PARVA: variants seen among roughly 807,000 people sequenced by gnomAD.
The protein encoded by PARVA is parvin alpha.
A neutral mutation model predicts 52.6 loss-of-function variants in PARVA; 25 were observed. The observed-to-expected ratio is 0.48, with a 90% confidence interval of 0.35 to 0.66. The LOEUF (loss-of-function observed/expected upper bound fraction) is 0.66. PARVA is among the 30% of genes least tolerant of loss of function. PARVA has a pLI of 0.01. For missense variants in PARVA, 373 were observed against 450.9 expected (o/e 0.83, Z 1.56); for synonymous variants, 185 against 179.1 (o/e 1.03, Z -0.26).
At chr11:12,430,245 C>T (rs1202815335) in intron 1 of PARVA, among the ~76,000 whole-genome samples, 5 of 152,200 alleles carry the variant, frequency 3.3e-5, no homozygotes, top group African/African-American at 1.2e-4. Context: ...ATCTCAAGAA[C>T]GTAGATCATC....
intron 1 of PARVA, chr11:12,452,602 C>T (rs1272658023): frequency 6.3e-6 from 1 of 159,386 alleles, no homozygotes; most frequent in Non-Finnish European, 1.4e-5. Flanking sequence ...TCAGATCCCC[C>T]AGGTGAGACT....
intron 6 of PARVA, 67 bp downstream of exon 6, chr11:12,504,496 C>A: frequency 3.2e-6 from 3 of 935,498 alleles, no homozygotes; most frequent in Non-Finnish European, 5.1e-6. Context: ...TCCTATGGTG[C>A]GTCGAGTAGG....
intron 1 of PARVA, among the ~76,000 whole-genome samples, chr11:12,381,326 C>T (rs557808793): frequency 1.4e-3 from 208 of 152,314 alleles, no homozygotes; most frequent in African/African-American, 4.9e-3. Context: ...CTTCAACTTT[C>T]TCTTTGGTGT....
intron 1 of PARVA, among the ~76,000 whole-genome samples, chr11:12,471,501 T>C (rs182679233): frequency 1.5e-3 from 223 of 152,320 alleles, no homozygotes; most frequent in African/African-American, 5.1e-3. Context: ...GTGGTACATA[T>C]ACACCATGGA....
chr11:12,522,991 C>G lies in PARVA; in HGVS notation c.1042+4474C>G, dbSNP rs1331842349. Among the ~76,000 whole-genome samples the G allele has an allele frequency of 5.9e-5, 9 of 152,066 alleles. No individual in the cohort carries two copies. The South Asian group carries it at 6.2e-4, about 11-fold the overall frequency. ...GGGAATGTAGAAGGGGGAGGGGATG[C>G]TTCTAGGATACTGACAATGTTCTAT... On this transcript the variant is annotated intron_variant, in intron 12 of 12. Transcript: ENST00000334956.
chr11:12,442,056 G>A (rs1940473773), intron 1 of PARVA, among the ~76,000 whole-genome samples: 1 of 152,238 alleles, frequency 6.6e-6, no homozygotes, highest in Non-Finnish European at 1.5e-5. Context: ...GCCCCTTGTA[G>A]CCTACCAATC....
At chr11:12,449,938 T>TAATC (rs1487632306) in intron 1 of PARVA, among the ~76,000 whole-genome samples, 1 of 152,260 alleles carries the variant, frequency 6.6e-6, no homozygotes, top group African/African-American at 2.4e-5. Flanking sequence ...TGCAAAATAA[T>TAATC]AATCACCACT....
chr11:12,441,693 T>C (rs1461386330), intron 1 of PARVA, among the ~76,000 whole-genome samples: 2 of 152,142 alleles, frequency 1.3e-5, no homozygotes, highest in East Asian at 3.9e-4. Flanking sequence ...CAGAGCAAGT[T>C]TTAAAGCCTT....
At chr11:12,395,888 G>A (rs1195595688) in intron 1 of PARVA, among the ~76,000 whole-genome samples, 1 of 152,228 alleles carries the variant, frequency 6.6e-6, no homozygotes, top group African/African-American at 2.4e-5. Context: ...TTCCTATTCA[G>A]ACCATTGGAA....
chr11:12,438,854 C>T, intron 1 of PARVA, among the ~76,000 whole-genome samples: 1 of 152,150 alleles, frequency 6.6e-6, no homozygotes, highest in Non-Finnish European at 1.5e-5. Context: ...TGTACAGTGC[C>T]ACAAGGTTGG....
At chr11:12,414,819 G>A (rs987004923) in intron 1 of PARVA, among the ~76,000 whole-genome samples, 6 of 152,226 alleles carry the variant, frequency 3.9e-5, no homozygotes, top group African/African-American at 1.4e-4. Flanking sequence ...TAGGCCAGGA[G>A]TTCTGTGGGT....
intron 1 of PARVA, among the ~76,000 whole-genome samples, chr11:12,451,682 A>G (rs757310408): frequency 5.3e-5 from 8 of 152,212 alleles, no homozygotes; most frequent in Non-Finnish European, 8.8e-5. Context: ...TCTCTTTTAC[A>G]TACTCTAATG....
chr11:12,402,581 C>G (rs1032105707), intron 1 of PARVA, among the ~76,000 whole-genome samples: 5 of 152,118 alleles, frequency 3.3e-5, no homozygotes, highest in African/African-American at 9.7e-5. Flanking sequence ...CTTTTTCTGT[C>G]TTGGTAAAGG....
intron 1 of PARVA, among the ~76,000 whole-genome samples, chr11:12,459,053 T>C (rs563438086): frequency 1.8e-4 from 27 of 152,312 alleles, no homozygotes; most frequent in African/African-American, 5.3e-4. Context: ...ACTGTTAGGA[T>C]CATCCTGTTA....
chr11:12,405,059 T>C (rs192030371), intron 1 of PARVA, among the ~76,000 whole-genome samples: 11 of 152,310 alleles, frequency 7.2e-5, no homozygotes, highest in African/African-American at 2.6e-4. Context: ...AGTTTCCTCA[T>C]TTATAAAACA....
intron 1 of PARVA, among the ~76,000 whole-genome samples, chr11:12,415,280 G>A (rs16911296): frequency 0.14 from 21,812 of 152,152 alleles, 2,105 homozygotes; most frequent in East Asian, 0.31. Context: ...TAGGATTCCA[G>A]CATGGCAGAA....
chr11:12,387,859 GTACGTATTTATA>G (rs1939601761), intron 1 of PARVA, among the ~76,000 whole-genome samples: 1 of 152,026 alleles, frequency 6.6e-6, no homozygotes, highest in Non-Finnish European at 1.5e-5. Context: ...AAATGGCATG[GTACGTATTTATA>G]TGAAGGAGGA....
At chr11:12,451,505 A>G (rs753681150) in intron 1 of PARVA, among the ~76,000 whole-genome samples, 2 of 151,040 alleles carry the variant, frequency 1.3e-5, no homozygotes, top group Admixed American at 6.6e-5. Flanking sequence ...ATTTTATCCT[A>G]TTTATATCAA....
chr11:12,430,162 C>A (rs780245367), intron 1 of PARVA, among the ~76,000 whole-genome samples: 15 of 152,096 alleles, frequency 9.9e-5, no homozygotes, highest in Non-Finnish European at 1.8e-4. Flanking sequence ...TTTGTGGTAT[C>A]CCTGAACATG....
Sources: allele counts gnomAD v4.1 joint callset (sites outside exome capture counted in the v4.1 genomes callset), GRCh38; gene constraint gnomAD v4.1.1; transcripts MANE v1.5; gene names NCBI Gene and HGNC (gene_info 2026-07-23, HGNC 2026-07-21).